ITSN1: variants seen among roughly 807,000 people sequenced by gnomAD.
ITSN1 encodes the protein intersectin 1.
A neutral mutation model predicts 239.8 loss-of-function variants in ITSN1; 58 were observed. The ratio of observed to expected loss-of-function variants is 0.24; its 90% CI spans 0.20 to 0.30. The LOEUF is 0.30. Among genes scored for constraint, ITSN1 ranks in the 10% least tolerant of loss-of-function variants. The probability of loss-of-function intolerance (pLI) is 1.00; values close to 1 mark genes in which losing one functional copy is unlikely to be tolerated. For synonymous variants in ITSN1, 780 were observed against 770.8 expected (o/e 1.01, Z -0.20); for missense variants, 1,558 against 2,103.3 (o/e 0.74, Z 5.07).
chr21:33,829,395 T>C (rs949460983), intron 26 of ITSN1: 11 of 523,610 alleles, frequency 2.1e-5, no homozygotes, highest in African/African-American at 1.9e-4. Flanking sequence ...GACAAGGGAG[T>C]CTGCAGCCCA....
intron 27 of ITSN1, among the ~76,000 whole-genome samples, chr21:33,833,401 G>A (rs1455785683): frequency 6.6e-6 from 1 of 152,148 alleles, no homozygotes; most frequent in Non-Finnish European, 1.5e-5. Flanking sequence ...TGCATCTAAG[G>A]ATGTATATTA....
chr21:33,659,847 G>T lies in ITSN1; in HGVS notation c.-33+17134G>T, dbSNP rs540106190. Among the ~76,000 whole-genome samples the T allele has an allele frequency of 6.6e-5, 10 of 150,742 alleles. No individual in the cohort carries two copies. The South Asian group carries it at 1.5e-3, about 22-fold the overall frequency. On this transcript the variant is annotated intron_variant, in intron 1 of 39. Coordinates refer to ENST00000381318, the MANE Select transcript of ITSN1 (RefSeq NM_003024.3). ...CAATCCTCTCACCTCAGCCTCCCGAGTGGCTAGGACCACAGTTGTACACCA... is the reference window on the plus strand; with the variant it reads ...CAATCCTCTCACCTCAGCCTCCCGATTGGCTAGGACCACAGTTGTACACCA...
intron 1 of ITSN1, among the ~76,000 whole-genome samples, chr21:33,671,822 CAAT>C (rs2090306080): frequency 6.6e-6 from 1 of 152,060 alleles, no homozygotes; most frequent in Admixed American, 6.6e-5. Flanking sequence ...AAATAACTTA[CAAT>C]AATAATTACT....
chr21:33,657,260 A>G (rs1379283304), intron 1 of ITSN1, among the ~76,000 whole-genome samples: 1 of 152,142 alleles, frequency 6.6e-6, no homozygotes, highest in Non-Finnish European at 1.5e-5. Flanking sequence ...GTAAGTGAGA[A>G]CATGCGGTAT....
At chr21:33,850,827 T>C (rs1414182984) in intron 29 of ITSN1, among the ~76,000 whole-genome samples, 1 of 151,738 alleles carries the variant, frequency 6.6e-6, no homozygotes, top group Non-Finnish European at 1.5e-5. Context: ...TTGAAGGGAG[T>C]GCAGTTAGAT....
chr21:33,775,149 G>T, intron 14 of ITSN1, 41 bp downstream of exon 14: 1 of 1,579,296 alleles, frequency 6.3e-7, no homozygotes. Context: ...TATTAAACTG[G>T]CATCCTTTTC....
chr21:33,832,110 G>T (rs1195227224), intron 27 of ITSN1, among the ~76,000 whole-genome samples: 1 of 152,174 alleles, frequency 6.6e-6, no homozygotes, highest in Non-Finnish European at 1.5e-5. Flanking sequence ...TTACCGCTGA[G>T]CAATGGCGTC....
intron 1 of ITSN1, among the ~76,000 whole-genome samples, chr21:33,674,565 G>A (rs2090484956): frequency 1.3e-5 from 2 of 152,108 alleles, no homozygotes; most frequent in Admixed American, 6.6e-5. Context: ...TTTGGGAACA[G>A]GATCCCTTTG....
chr21:33,880,750 C>G (rs966080691), intron 34 of ITSN1, among the ~76,000 whole-genome samples: 1 of 152,102 alleles, frequency 6.6e-6, no homozygotes, highest in African/African-American at 2.4e-5. Context: ...GGACAGAGCT[C>G]CGGAGCGCCC....
chr21:33,670,355 A>G (rs1454022491), intron 1 of ITSN1, among the ~76,000 whole-genome samples: 2 of 152,220 alleles, frequency 1.3e-5, no homozygotes, highest in African/African-American at 4.8e-5. Flanking sequence ...ACACTGTCCC[A>G]GAAAACAAAA....
chr21:33,870,438 C>T (rs1353469893), intron 33 of ITSN1, among the ~76,000 whole-genome samples: 6 of 152,064 alleles, frequency 3.9e-5, no homozygotes, highest in Non-Finnish European at 8.8e-5. Flanking sequence ...AGAGCACCCA[C>T]AAAAATGAAC....
intron 1 of ITSN1, among the ~76,000 whole-genome samples, chr21:33,713,141 G>C (rs1468872648): frequency 6.6e-6 from 1 of 152,170 alleles, no homozygotes; most frequent in East Asian, 1.9e-4. Context: ...GCCTCGCAAA[G>C]TGCTGGGATT....
At chr21:33,873,064 C>A (rs1379816439) in intron 33 of ITSN1, among the ~76,000 whole-genome samples, 1 of 152,152 alleles carries the variant, frequency 6.6e-6, no homozygotes, top group Admixed American at 6.5e-5. Flanking sequence ...CTGAGTTTCA[C>A]CCTCCAGGGA....
chr21:33,723,150 G>A (rs2065602286), intron 4 of ITSN1, among the ~76,000 whole-genome samples: 1 of 152,184 alleles, frequency 6.6e-6, no homozygotes, highest in East Asian at 1.9e-4. Context: ...AGGAAATACA[G>A]AGAGTATAAT....
intron 1 of ITSN1, among the ~76,000 whole-genome samples, chr21:33,690,531 C>T (rs925562799): frequency 2.0e-5 from 3 of 149,218 alleles, no homozygotes; most frequent in Non-Finnish European, 4.5e-5. Context: ...ACCCGGGAGG[C>T]AGAGCTTGCA....
intron 21 of ITSN1, among the ~76,000 whole-genome samples, chr21:33,812,081 T>C (rs2072954450): frequency 6.6e-6 from 1 of 152,184 alleles, no homozygotes; most frequent in Non-Finnish European, 1.5e-5. Context: ...TAGCAAGTTT[T>C]TCATACTTTA....
rs73900358 is a variant in ITSN1 at position 33,649,205 on chromosome 21, T to C, written c.-33+6492T>C. On this transcript the variant is annotated intron_variant, in intron 1 of 39. Transcript: ENST00000381318. ...GGCCTAAGGAAGTTTACTTCCTGAA[T>C]GTGAATGTTGGCCACTTTGGAGATA... 7.6e-4 allele frequency among the ~76,000 whole-genome samples: 115 copies of C among 152,290 alleles called. 1 individual carries two copies. Among genetic ancestry groups the C allele is most frequent in the African/African-American group, 2.7e-3 (113 of 41,546 alleles).
At chr21:33,868,966 T>A (rs1347422221) in intron 33 of ITSN1, among the ~76,000 whole-genome samples, 1 of 143,780 alleles carries the variant, frequency 7.0e-6, no homozygotes, top group Admixed American at 6.6e-5. Flanking sequence ...ATTCTTTTTT[T>A]AATTTTTTTT....
intron 20 of ITSN1, among the ~76,000 whole-genome samples, chr21:33,803,668 G>A (rs1347436219): frequency 7.2e-5 from 11 of 152,084 alleles, no homozygotes; most frequent in Non-Finnish European, 2.9e-5. Flanking sequence ...CAGTAAAGAA[G>A]GGGCTTTCGT....
Sources: allele counts gnomAD v4.1 joint callset (sites outside exome capture counted in the v4.1 genomes callset), GRCh38; gene constraint gnomAD v4.1.1; transcripts MANE v1.5; gene names NCBI Gene and HGNC (gene_info 2026-07-23, HGNC 2026-07-21).